SLC36A1: variants seen among roughly 807,000 people sequenced by gnomAD.
The protein encoded by SLC36A1 is proton-coupled amino acid transporter 1.
SLC36A1 carries 30 observed loss-of-function variants against 47.5 expected under a neutral mutation model. The ratio of observed to expected loss-of-function variants is 0.63; its 90% confidence interval spans 0.47 to 0.86. SLC36A1 has a LOEUF of 0.86. Among genes scored for constraint, SLC36A1 ranks in the 40% least tolerant of loss-of-function variants. The pLI, the probability that SLC36A1 is intolerant of heterozygous loss-of-function variation, is 0.00. For missense variants in SLC36A1, 517 were observed against 606.0 expected (o/e 0.85, Z 1.54); for synonymous variants, 255 against 249.7 (o/e 1.02, Z -0.20).
the SLC36A1 span, among the ~76,000 whole-genome samples, chr5:151,519,729 C>T: frequency 6.6e-6 from 1 of 151,770 alleles, no homozygotes; most frequent in Non-Finnish European, 1.5e-5. Flanking sequence ...AATTGGTTTC[C>T]TGTATGTTTT....
At chr5:151,469,261 T>A (rs1350474150) in intron 7 of SLC36A1, 1 of 701,434 alleles carries the variant, frequency 1.4e-6, no homozygotes, top group Non-Finnish European at 2.6e-6. Flanking sequence ...GTGAATGGAT[T>A]TACAGCCCAT....
chr5:151,381,735 A>G, the SLC36A1 span, among the ~76,000 whole-genome samples: 2 of 152,204 alleles, frequency 1.3e-5, no homozygotes, highest in East Asian at 3.9e-4. Context: ...GCAAGAAGAC[A>G]GCTTTGACTC....
the SLC36A1 span, among the ~76,000 whole-genome samples, chr5:151,367,374 T>TTTTTTTTTTTTTTTTTTTTTC: frequency 2.3e-4 from 34 of 145,452 alleles, 1 homozygote; most frequent in Non-Finnish European, 3.0e-4. Context: ...TTTTTTTTTT[T>TTTTTTTTTTTTTTTTTTTTTC]CCCCAGGGTA....
chr5:151,414,748 G>A, the SLC36A1 span: 1 of 152,188 alleles, frequency 6.6e-6, no homozygotes, highest in African/African-American at 2.4e-5. Flanking sequence ...CTGGTCCACA[G>A]TCAGGAAGAA....
At position 151,488,066 on chromosome 5, in the gene SLC36A1, A is replaced by T; in HGVS notation, c.1243A>T (p.Ile415Phe). The T allele has an allele frequency of 6.2e-7, 1 of 1,614,026 alleles. No individual in the cohort carries two copies. Among genetic ancestry groups the T allele is most frequent in the South Asian group, 1.1e-5 (1 of 91,074 alleles). ...GAGCAGCAGCGCCCTGGCCCTCATCATCCCACCGCTCCTGGAGGTCACCAC... is the reference window on the plus strand; with the variant it reads ...GAGCAGCAGCGCCCTGGCCCTCATCTTCCCACCGCTCCTGGAGGTCACCAC... ...SVSSSALALI[I>F]PPLLEVTTFY... Residue 415 changes from isoleucine (I) to phenylalanine (F), a missense_variant, in exon 11 of 11, where the codon ATC becomes TTC. Ile to Phe is a conservative substitution (Grantham distance 21). Transcript: ENST00000243389.
chr5:151,459,381 A>G (rs1755173382), intron 2 of SLC36A1, among the ~76,000 whole-genome samples: 1 of 152,216 alleles, frequency 6.6e-6, no homozygotes, highest in Non-Finnish European at 1.5e-5. Flanking sequence ...TAAAAAATTC[A>G]GGGTTGGTAG....
chr5:151,472,054 C>A (rs1205714995), intron 7 of SLC36A1, among the ~76,000 whole-genome samples: 1 of 152,124 alleles, frequency 6.6e-6, no homozygotes, highest in East Asian at 1.9e-4. Flanking sequence ...TGTGACTATA[C>A]CTCTGTCTTA....
chr5:151,402,920 G>A, the SLC36A1 span, among the ~76,000 whole-genome samples: 5 of 152,096 alleles, frequency 3.3e-5, no homozygotes, highest in Admixed American at 6.6e-5. Context: ...TCTTGCTAGT[G>A]GTCTGTCAGT....
chr5:151,450,920 C>T (rs1334201398), intron 1 of SLC36A1: 1 of 152,288 alleles, frequency 6.6e-6, no homozygotes, highest in East Asian at 1.9e-4. Flanking sequence ...TATTTCCATC[C>T]AGGCCTTCTC....
At chr5:151,527,801 G>A in the SLC36A1 span, among the ~76,000 whole-genome samples, 1 of 152,118 alleles carries the variant, frequency 6.6e-6, no homozygotes, top group African/African-American at 2.4e-5. Context: ...AAGGTTACGG[G>A]GTCACTCAGT....
the SLC36A1 span, among the ~76,000 whole-genome samples, chr5:151,389,729 G>A: frequency 6.6e-6 from 1 of 151,960 alleles, no homozygotes; most frequent in African/African-American, 2.4e-5. Context: ...CCCTACAAAG[G>A]ACATGAACTC....
At chr5:151,365,756 C>T in the SLC36A1 span, among the ~76,000 whole-genome samples, 3 of 152,192 alleles carry the variant, frequency 2.0e-5, no homozygotes, top group African/African-American at 7.2e-5. Flanking sequence ...CTTCTTGGAA[C>T]CTAGATGTCC....
the SLC36A1 span, among the ~76,000 whole-genome samples, chr5:151,375,174 G>T: frequency 6.6e-6 from 1 of 152,086 alleles, no homozygotes; most frequent in African/African-American, 2.4e-5. Flanking sequence ...TTTTCTTCTA[G>T]CATTTTAATA....
the SLC36A1 span, among the ~76,000 whole-genome samples, chr5:151,345,881 T>G: frequency 6.6e-6 from 1 of 152,302 alleles, no homozygotes; most frequent in East Asian, 1.9e-4. Flanking sequence ...TTACAGACAC[T>G]GTGTCTGGGG....
chr5:151,442,955 A>C (rs1312128727), upstream of SLC36A1, among the ~76,000 whole-genome samples: 2 of 152,134 alleles, frequency 1.3e-5, no homozygotes, highest in Admixed American at 1.3e-4. Context: ...AGTTTCATCC[A>C]TGTTGTGGCA....
the SLC36A1 span, among the ~76,000 whole-genome samples, chr5:151,503,628 C>T: frequency 1.3e-5 from 2 of 151,954 alleles, no homozygotes; most frequent in Middle Eastern, 3.2e-3. Context: ...ACTAAGGGTG[C>T]GCTGTGGAGT....
chr5:151,429,848 C>T, the SLC36A1 span, among the ~76,000 whole-genome samples: 33 of 152,248 alleles, frequency 2.2e-4, no homozygotes, highest in Admixed American at 1.6e-3. Context: ...GCAGGCTGGC[C>T]TCTTAGACCT....
the SLC36A1 span, chr5:151,545,681 C>G: frequency 6.2e-7 from 1 of 1,614,132 alleles, no homozygotes; most frequent in Non-Finnish European, 8.5e-7. Flanking sequence ...ATGCTGGGAT[C>G]AATTTTGAAA....
chr5:151,378,114 G>A, the SLC36A1 span: 2 of 347,578 alleles, frequency 5.8e-6, no homozygotes, highest in Non-Finnish European at 1.1e-5. Flanking sequence ...TTCCACATTG[G>A]TACAAACATT....
Sources: allele counts gnomAD v4.1 joint callset (sites outside exome capture counted in the v4.1 genomes callset), GRCh38; gene constraint gnomAD v4.1.1; transcripts MANE v1.5; gene names NCBI Gene and HGNC (gene_info 2026-07-23, HGNC 2026-07-21).